Variants in HADH observed in about 807,000 individuals in gnomAD.
The protein encoded by HADH is hydroxyacyl-CoA dehydrogenase, also known as hydroxyacyl-coenzyme A dehydrogenase, mitochondrial.
HADH carries 24 observed loss-of-function variants against 32.2 expected under a neutral mutation model. That is an observed-to-expected ratio of 0.75 (90% CI 0.54 to 1.05). HADH has a LOEUF of 1.05. Ranked by LOEUF, HADH falls within the 50% of genes least tolerant of loss-of-function variation. The pLI is 0.00. For missense variants in HADH, 350 were observed against 397.1 expected, an observed-to-expected ratio of 0.88 and a Z score of 1.01; for synonymous variants, 139 against 152.5, an observed-to-expected ratio of 0.91 and a Z score of 0.65.
intron 2 of HADH, among the ~76,000 whole-genome samples, chr4:108,013,172 C>A (rs1439784666): frequency 6.6e-6 from 1 of 152,340 alleles, no homozygotes; most frequent in Middle Eastern, 3.4e-3. Context: ...ACCTCGTGAT[C>A]CGCCTGCCTC....
At chr4:108,008,688 G>C in intron 1 of HADH, among the ~76,000 whole-genome samples, 1 of 152,062 alleles carries the variant, frequency 6.6e-6, no homozygotes, top group Admixed American at 6.6e-5. Context: ...CACACTGTTG[G>C]TGTCATCGAG....
At chr4:107,992,730 G>A (rs1734850109) in intron 1 of HADH, among the ~76,000 whole-genome samples, 1 of 152,192 alleles carries the variant, frequency 6.6e-6, no homozygotes, top group Admixed American at 6.5e-5. Context: ...TCATGCATAT[G>A]TCAAGCAGTT....
intron 2 of HADH, 109 bp from the exon 3 acceptor site, chr4:108,014,322 A>G (rs544461224): frequency 1.4e-5 from 16 of 1,176,102 alleles, no homozygotes; most frequent in African/African-American, 1.2e-4. Flanking sequence ...GGGTAGGCCA[A>G]TACAGGTGCT....
chr4:108,009,978 T>A, intron 2 of HADH, 91 bp downstream of exon 2: 16 of 312,366 alleles, frequency 5.1e-5, no homozygotes, highest in African/African-American at 1.8e-4. Flanking sequence ...TCTTTCTTTC[T>A]TTTTTTTTTT....
intron 2 of HADH, among the ~76,000 whole-genome samples, chr4:108,013,176 C>T (rs1735563937): frequency 6.6e-6 from 1 of 152,226 alleles, no homozygotes; most frequent in South Asian, 2.1e-4. Context: ...CGTGATCCGC[C>T]TGCCTCGGCC....
At chr4:108,002,864 A>G (rs952302880) in intron 1 of HADH, among the ~76,000 whole-genome samples, 1 of 152,224 alleles carries the variant, frequency 6.6e-6, no homozygotes, top group Non-Finnish European at 1.5e-5. Context: ...ATGGCTCAGG[A>G]GAAAGTAGAA....
At chr4:108,014,991 T>G (rs1735645459) in intron 3 of HADH, among the ~76,000 whole-genome samples, 1 of 152,228 alleles carries the variant, frequency 6.6e-6, no homozygotes, top group South Asian at 2.1e-4. Context: ...CTGAGTAGTA[T>G]TCCATGGTGT....
chr4:108,019,420 C>T, intron 3 of HADH, 120 bp from the exon 4 acceptor site: 1 of 853,868 alleles, frequency 1.2e-6, no homozygotes, highest in Non-Finnish European at 2.0e-6. Context: ...CTCATTCCCC[C>T]AATGGGTCAG....
intron 5 of HADH, chr4:108,025,654 C>A (rs994220655): frequency 6.6e-6 from 1 of 152,136 alleles, no homozygotes; most frequent in African/African-American, 2.4e-5. Flanking sequence ...TTCGGGAGGC[C>A]AAGGCTGGTG....
At chr4:108,019,848 T>C (rs957554325) in intron 4 of HADH, among the ~76,000 whole-genome samples, 182 bp downstream of exon 4, 2 of 152,202 alleles carry the variant, frequency 1.3e-5, no homozygotes, top group African/African-American at 4.8e-5. Context: ...CAGCCCTGTG[T>C]CTTGCTTAGT....
At chr4:108,025,298 T>C (rs1053607525) in intron 5 of HADH, 2 of 152,136 alleles carry the variant, frequency 1.3e-5, no homozygotes, top group African/African-American at 4.8e-5. Flanking sequence ...GATTGTGGTA[T>C]ATAGGTTAAG....
intron 6 of HADH, chr4:108,032,231 A>T: frequency 1.5e-6 from 1 of 680,292 alleles, no homozygotes; most frequent in South Asian, 2.2e-5. Context: ...AAAGAAAGGG[A>T]ACAGATTGTT....
intron 2 of HADH, 97 bp downstream of exon 2, chr4:108,009,984 T>TC (rs1735432867): frequency 1.1e-6 from 1 of 907,062 alleles, no homozygotes. Context: ...TTTCTTTTTT[T>TC]TTTTTTTTTT....
intron 1 of HADH, among the ~76,000 whole-genome samples, chr4:107,999,240 C>T (rs1239474248): frequency 1.3e-5 from 2 of 152,186 alleles, no homozygotes; most frequent in Admixed American, 1.3e-4. Flanking sequence ...AAGACACATT[C>T]ACATGTTGGA....
chr4:108,003,615 C>T (rs1358362370), intron 1 of HADH, among the ~76,000 whole-genome samples: 1 of 152,090 alleles, frequency 6.6e-6, no homozygotes, highest in Non-Finnish European at 1.5e-5. Context: ...TTATATGGAG[C>T]AGGATCCCAG....
At chr4:107,999,507 A>G (rs937967715) in intron 1 of HADH, among the ~76,000 whole-genome samples, 7 of 152,172 alleles carry the variant, frequency 4.6e-5, no homozygotes, top group African/African-American at 7.2e-5. Flanking sequence ...TTTCAAACTA[A>G]TAACGTGACT....
chr4:108,022,163 A>ATGTG (rs1452653535), intron 4 of HADH, among the ~76,000 whole-genome samples: 1 of 53,524 alleles, frequency 1.9e-5, no homozygotes, highest in African/African-American at 4.5e-5. Flanking sequence ...TTTTACATAT[A>ATGTG]TATATGTGTG....
At chr4:108,022,271 AATATATAT>A (rs10552949) in intron 4 of HADH, among the ~76,000 whole-genome samples, 1 of 149,868 alleles carries the variant, frequency 6.7e-6, no homozygotes, top group African/African-American at 2.5e-5. Flanking sequence ...CCTGTTTAAA[AATATATAT>A]ATATATACTT....
In HADH at chr4:107,989,974, C is replaced by T. The variant is rs1460149503; in HGVS notation, c.42C>T (p.Ser14=). 2.5e-6 allele frequency: 4 copies of T among 1,612,910 alleles called. No homozygotes were observed. The East Asian group carries it at 6.7e-5, about 27-fold the overall frequency. The change falls in exon 1 of 8, where the codon TCC becomes TCT. Residue 14 remains serine, a synonymous_variant. Transcript: ENST00000309522. ...VTRQFMRSVS[S]SSTASASAKK... ...GGCAGTTCATGCGTTCCGTGTCCTC[C>T]TCGTCCACCGCCTCGGCCTCGGCCA...
Sources: allele counts gnomAD v4.1 joint callset (sites outside exome capture counted in the v4.1 genomes callset), GRCh38; gene constraint gnomAD v4.1.1; transcripts MANE v1.5; gene names NCBI Gene and HGNC (gene_info 2026-07-23, HGNC 2026-07-21).